ACACB: variants seen among roughly 807,000 people sequenced by gnomAD.
The protein encoded by ACACB is acetyl-CoA carboxylase beta, also known as acetyl-CoA carboxylase 2.
A neutral mutation model predicts 278.8 loss-of-function variants in ACACB; 209 were observed. That is an observed-to-expected ratio of 0.75 (90% CI 0.67 to 0.84). The LOEUF is 0.84. Among genes scored for constraint, ACACB ranks in the 40% least tolerant of loss-of-function variants. ACACB has a pLI of 0.00. For synonymous variants in ACACB, 1,174 were observed against 1,285.6 expected (o/e 0.91, Z 1.86); for missense variants, 2,850 against 3,269.0 (o/e 0.87, Z 3.13).
chr12:109,260,292 T>G (rs372544376), intron 47 of ACACB, 188 bp from the exon 48 acceptor site: 2 of 1,125,054 alleles, frequency 1.8e-6, no homozygotes, highest in African/African-American at 1.5e-5. Context: ...AGGCCCACAC[T>G]GGGTGAATGA....
At chr12:109,218,367 AGTTTGTTTGTTTGTTT>A (rs57423055) in intron 24 of ACACB, among the ~76,000 whole-genome samples, 3 of 149,992 alleles carry the variant, frequency 2.0e-5, no homozygotes, top group Admixed American at 1.3e-4. Context: ...ACGCCCAGCT[AGTTTGTTTGTTTGTTT>A]GTTTGTTTGT....
At chr12:109,161,617 C>G (rs2043723767) in intron 2 of ACACB, among the ~76,000 whole-genome samples, 1 of 151,980 alleles carries the variant, frequency 6.6e-6, no homozygotes, top group Non-Finnish European at 1.5e-5. Flanking sequence ...TATCACAGCA[C>G]TATTCACAGT....
At chr12:109,171,276 G>C (rs923049037) in intron 4 of ACACB, among the ~76,000 whole-genome samples, 5 of 151,820 alleles carry the variant, frequency 3.3e-5, no homozygotes, top group Non-Finnish European at 7.4e-5. Flanking sequence ...TTCCTTTCCA[G>C]GCCTTCCAGG....
chr12:109,114,566 C>T (rs1265494022), upstream of ACACB, among the ~76,000 whole-genome samples: 1 of 151,666 alleles, frequency 6.6e-6, no homozygotes, highest in Non-Finnish European at 1.5e-5. Context: ...TTTTTTGGGC[C>T]AGGTACAGTG....
chr12:109,174,789 G>A (rs1230582719), intron 7 of ACACB, among the ~76,000 whole-genome samples: 2 of 152,110 alleles, frequency 1.3e-5, no homozygotes, highest in African/African-American at 4.8e-5. Flanking sequence ...AGGGTGGCTT[G>A]AGCCTAGGAG....
chr12:109,246,597 T>C (rs1203711356), intron 39 of ACACB, 149 bp downstream of exon 39: 2 of 960,084 alleles, frequency 2.1e-6, no homozygotes, highest in South Asian at 1.9e-5. Flanking sequence ...GCATACAGTG[T>C]ATCAGTGATA....
intron 28 of ACACB, among the ~76,000 whole-genome samples, chr12:109,232,148 G>C (rs910579458): frequency 6.6e-6 from 1 of 152,224 alleles, no homozygotes; most frequent in Non-Finnish European, 1.5e-5. Flanking sequence ...AACAACCTCA[G>C]GTGGCCCATT....
rs1565924775 is a variant in ACACB at position 109,209,858 on chromosome 12, TATATACACACATACACACAC to T, written c.3249+506_3249+525del. ...ACATACACACACGTGTGTATATATG[TATATACACACATACACACAC>T]GTGTGTATATATGTATATACACACA... On this transcript the variant is annotated intron_variant, in intron 21 of 52. Transcript: ENST00000338432. Among the ~76,000 whole-genome samples the T allele has an allele frequency of 1.4e-4, 19 of 133,994 alleles. 1 individual carries two copies. Among genetic ancestry groups the T allele is most frequent in the Non-Finnish European group, 1.6e-4 (10 of 64,122 alleles). 87.9% of individuals were successfully genotyped at this position (133,994 alleles called of 152,430 possible).
At chr12:109,125,878 A>C (rs2042668019) in intron 1 of ACACB, among the ~76,000 whole-genome samples, 1 of 152,090 alleles carries the variant, frequency 6.6e-6, no homozygotes, top group South Asian at 2.1e-4. Flanking sequence ...CTCAAAAATG[A>C]CTTACATTTT....
chr12:109,233,373 G>A (rs1166856635), intron 29 of ACACB, among the ~76,000 whole-genome samples: 1 of 152,116 alleles, frequency 6.6e-6, no homozygotes, highest in African/African-American at 2.4e-5. Context: ...AGCCTCATGA[G>A]GCATAGGGAT....
intron 35 of ACACB, among the ~76,000 whole-genome samples, chr12:109,240,595 TTTA>T (rs1279649301): frequency 6.7e-6 from 1 of 148,202 alleles, no homozygotes; most frequent in Admixed American, 6.8e-5. Flanking sequence ...TGTATTTTAT[TTTA>T]TTATTTAATA....
chr12:109,164,748 G>T (rs2043843182), intron 2 of ACACB, among the ~76,000 whole-genome samples: 1 of 131,804 alleles, frequency 7.6e-6, no homozygotes, highest in Non-Finnish European at 1.6e-5. Context: ...GATGGAGTCT[G>T]ACCCTGTTGC....
rs115320291 is a variant in ACACB at position 109,234,033 on chromosome 12, C to T, written c.4335C>T (p.Phe1445=). Residue 1445 remains phenylalanine, a synonymous_variant, in exon 31 of 53, where the codon TTC becomes TTT. Transcript: ENST00000338432. ...DEALVPILRT[F]VQSKKNILVD... ...CACTGGTGCCGATTTTACGGACATT[C>T]GTACAGTCCAAGGTACTCTGGGCGT... The T allele has an allele frequency of 1.0e-3, 1,676 of 1,611,894 alleles. 9 individuals are homozygous for T. The African/African-American group carries it at 0.017, about 17-fold the overall frequency.
At chr12:109,155,969 TGCC>T in intron 2 of ACACB, among the ~76,000 whole-genome samples, 1 of 152,226 alleles carries the variant, frequency 6.6e-6, no homozygotes, top group Non-Finnish European at 1.5e-5. Flanking sequence ...AAGTACTTAC[TGCC>T]TGACCCTTGA....
At chr12:109,221,705 G>A (rs1370284371) in intron 24 of ACACB, among the ~76,000 whole-genome samples, 2 of 152,140 alleles carry the variant, frequency 1.3e-5, no homozygotes, top group Admixed American at 6.5e-5. Context: ...GCACATGTTT[G>A]CTGGCTTTGG....
At chr12:109,221,889 T>TC (rs1351360014) in intron 24 of ACACB, among the ~76,000 whole-genome samples, 2 of 143,896 alleles carry the variant, frequency 1.4e-5, no homozygotes, top group African/African-American at 2.9e-5. Context: ...CTTTTTTTTT[T>TC]TTTTTGGGGG....
chr12:109,264,076 C>A, intron 49 of ACACB, 156 bp from the exon 50 acceptor site: 1 of 887,158 alleles, frequency 1.1e-6, no homozygotes, highest in Non-Finnish European at 1.7e-6. Flanking sequence ...TGTGTAGCAG[C>A]AGGGGTAATA....
intron 3 of ACACB, 61 bp from the exon 4 acceptor site, chr12:109,167,835 C>G: frequency 6.2e-7 from 1 of 1,611,238 alleles, no homozygotes; most frequent in South Asian, 1.1e-5. Flanking sequence ...CTCGGGGTAG[C>G]ACGTGGCCCC....
Position 109,210,239 on chromosome 12 carries a change from A to ATACACACACATGTG in ACACB, c.3249+887_3249+888insACACACACATGTGT, listed in dbSNP as rs1256895390. ...TACACACATGTGTGTATATGTATAT[A>ATACACACACATGTG]TGTATATATACACACATGTGTGTAT... On this transcript the variant is annotated intron_variant, in intron 21 of 52. Coordinates refer to ENST00000338432, the MANE Select transcript of ACACB (RefSeq NM_001093.4). 1.0e-4 allele frequency among the ~76,000 whole-genome samples: 7 copies of ATACACACACATGTG among 70,036 alleles called. 1 individual carries two copies. Among genetic ancestry groups the ATACACACACATGTG allele is most frequent in the Non-Finnish European group, 1.9e-4 (7 of 37,580 alleles). The allele number at this position is 70,036 out of a possible 152,430, so 45.9% of individuals were successfully genotyped here.
Sources: gnomAD v4.1 joint callset for allele counts (sites outside exome capture counted in the v4.1 genomes callset) on GRCh38, gnomAD v4.1.1 for gene constraint, MANE v1.5 for transcripts, NCBI Gene and HGNC (gene_info 2026-07-23, HGNC 2026-07-21) for gene names.